The following ZNF536 variants were observed in gnomAD, a reference collection of about 807,000 sequenced individuals.
ZNF536 encodes zinc finger protein 536.
In ZNF536, 13 loss-of-function variants were observed where a neutral mutation model predicts 84.5. The ratio of observed to expected loss-of-function variants is 0.15; its 90% confidence interval spans 0.10 to 0.24. ZNF536 has a LOEUF of 0.24. ZNF536 is among the 10% of genes least tolerant of loss of function. ZNF536 has a pLI of 1.00. For synonymous variants in ZNF536, 811 were observed against 742.5 expected, an observed-to-expected ratio of 1.09 and a Z score of -1.50; for missense variants, 1,536 against 1,747.5, an observed-to-expected ratio of 0.88 and a Z score of 2.16.
intron 3 of ZNF536, among the ~76,000 whole-genome samples, chr19:30,539,349 A>T (rs1288370080): frequency 2.0e-5 from 3 of 152,158 alleles, no homozygotes; most frequent in African/African-American, 7.2e-5. Flanking sequence ...CTTTTGTTCT[A>T]TTCATGCCTT....
In ZNF536 at chr19:30,408,941, CCATT is replaced by C. The variant is rs1568400813; in HGVS notation, c.-2-34616_-2-34613del. 1.3e-4 allele frequency among the ~76,000 whole-genome samples: 20 copies of C among 151,352 alleles called. No homozygotes were observed. In the South Asian group the frequency reaches 4.2e-3, roughly 32 times the overall value. Reference sequence around the variant, plus strand: ...TTCATCCATTCATCCATCCACTCATCCATTCATCCATCTATCCACCCACAAATCC... The same window carrying C: ...TTCATCCATTCATCCATCCACTCATCCATCCATCTATCCACCCACAAATCC... On this transcript the variant is annotated intron_variant, in intron 1 of 4. Transcript: ENST00000355537.
At chr19:30,544,396 C>T (rs1745399363) in intron 3 of ZNF536, among the ~76,000 whole-genome samples, 1 of 152,172 alleles carries the variant, frequency 6.6e-6, no homozygotes, top group Non-Finnish European at 1.5e-5. Context: ...GTGGAGACTC[C>T]AATGCTAGGA....
chr19:30,328,935 C>T (rs2047121989), intron 2 of ZNF536, among the ~76,000 whole-genome samples: 2 of 152,216 alleles, frequency 1.3e-5, no homozygotes, highest in Admixed American at 1.3e-4. Flanking sequence ...CCCTTTCCCC[C>T]TGCAACAATA....
At chr19:30,319,365 G>GT (rs369983648) in intron 2 of ZNF536, among the ~76,000 whole-genome samples, 2,180 of 147,614 alleles carry the variant, frequency 0.015, 20 homozygotes, top group South Asian at 0.046. Flanking sequence ...TCAGACTGAT[G>GT]TTTTTTTTTT....
intron 1 of ZNF536, among the ~76,000 whole-genome samples, chr19:30,231,911 C>T (rs1350033500): frequency 6.6e-6 from 1 of 152,016 alleles, no homozygotes; most frequent in African/African-American, 2.4e-5. Flanking sequence ...TTGTACTATC[C>T]AGGATAGACT....
chr19:30,632,112 T>A (rs896648931), intron 1 of ZNF536, among the ~76,000 whole-genome samples: 18 of 152,336 alleles, frequency 1.2e-4, no homozygotes, highest in African/African-American at 4.1e-4. Flanking sequence ...GGGACCGCAT[T>A]TGAAACTATT....
intron 2 of ZNF536, among the ~76,000 whole-genome samples, chr19:30,499,996 G>A (rs566948745): frequency 1.6e-4 from 25 of 152,318 alleles, no homozygotes; most frequent in Non-Finnish European, 2.9e-4. Context: ...AGGATCCAAA[G>A]CCAAGATAGC....
At chr19:30,438,316 T>C (rs1292275018) in intron 1 of ZNF536, among the ~76,000 whole-genome samples, 1 of 152,200 alleles carries the variant, frequency 6.6e-6, no homozygotes, top group African/African-American at 2.4e-5. Context: ...ATACCCATTA[T>C]TGAGATTAGC....
At chr19:30,239,397 C>T (rs574039443) in intron 1 of ZNF536, among the ~76,000 whole-genome samples, 5 of 152,312 alleles carry the variant, frequency 3.3e-5, no homozygotes, top group South Asian at 4.1e-4. Flanking sequence ...TGCTGGGCTC[C>T]GTCTGAACGG....
intron 3 of ZNF536, among the ~76,000 whole-genome samples, chr19:30,543,766 C>T (rs1300197493): frequency 6.6e-6 from 1 of 152,180 alleles, no homozygotes; most frequent in Non-Finnish European, 1.5e-5. Flanking sequence ...TCTAGGCCAA[C>T]GTTGTAAGTA....
intron 3 of ZNF536, among the ~76,000 whole-genome samples, chr19:30,365,110 C>G (rs1420759877): frequency 6.6e-6 from 1 of 152,214 alleles, no homozygotes; most frequent in Non-Finnish European, 1.5e-5. Context: ...AATCAAGGCA[C>G]AACTTATGAA....
chr19:30,631,336 C>T (rs181973578), intron 1 of ZNF536, among the ~76,000 whole-genome samples: 5 of 152,272 alleles, frequency 3.3e-5, no homozygotes, highest in South Asian at 2.1e-4. Context: ...GATGGAAATC[C>T]GACTGCTGGC....
chr19:30,670,881 T>C (rs1304437159), intron 1 of ZNF536, among the ~76,000 whole-genome samples: 1 of 152,146 alleles, frequency 6.6e-6, no homozygotes, highest in East Asian at 1.9e-4. Flanking sequence ...GTCCACTCTA[T>C]CAAATGGATG....
At chr19:30,467,477 A>G (rs531547547) in intron 2 of ZNF536, among the ~76,000 whole-genome samples, 1 of 152,066 alleles carries the variant, frequency 6.6e-6, no homozygotes, top group South Asian at 2.1e-4. Context: ...ATAGTATTCT[A>G]TTGTATGCAT....
intron 2 of ZNF536, among the ~76,000 whole-genome samples, chr19:30,469,468 A>G (rs933083096): frequency 6.6e-6 from 1 of 152,034 alleles, no homozygotes; most frequent in African/African-American, 2.4e-5. Flanking sequence ...TGCAGGCTTT[A>G]TCACACCTCT....
chr19:30,523,063 A>C (rs1445588597), intron 2 of ZNF536, among the ~76,000 whole-genome samples: 1 of 151,992 alleles, frequency 6.6e-6, no homozygotes, highest in East Asian at 1.9e-4. Context: ...CCCCAACTGG[A>C]CTTTTCAGGG....
intron 1 of ZNF536, among the ~76,000 whole-genome samples, chr19:30,655,950 G>A (rs2049895101): frequency 1.3e-5 from 2 of 152,040 alleles, no homozygotes. Flanking sequence ...GCAGTTGGAG[G>A]ATCACTTGAG....
intron 1 of ZNF536, among the ~76,000 whole-genome samples, chr19:30,641,815 G>C (rs1002480850): frequency 1.3e-5 from 2 of 150,932 alleles, no homozygotes; most frequent in Admixed American, 1.3e-4. Context: ...TCTTGGCCGG[G>C]ATGTAATGCC....
intron 1 of ZNF536, among the ~76,000 whole-genome samples, chr19:30,407,438 C>T (rs563115265): frequency 6.6e-6 from 1 of 152,254 alleles, no homozygotes; most frequent in Admixed American, 6.5e-5. Flanking sequence ...CAGTGGACAC[C>T]AGCTGGGTGT....
Sources: allele counts gnomAD v4.1 joint callset (sites outside exome capture counted in the v4.1 genomes callset), GRCh38; gene constraint gnomAD v4.1.1; transcripts MANE v1.5; gene names NCBI Gene and HGNC (gene_info 2026-07-23, HGNC 2026-07-21).